Variants in PODXL2 observed in about 807,000 individuals in gnomAD.
PODXL2 encodes the protein podocalyxin-like protein 2.
Under a neutral mutation model 53.4 loss-of-function variants are expected in PODXL2, and 17 were observed. The observed-to-expected ratio is 0.32, with a 90% confidence interval of 0.22 to 0.48. PODXL2 has a LOEUF of 0.48. PODXL2 is among the 20% of genes least tolerant of loss of function. PODXL2 has a pLI of 0.99. For synonymous variants in PODXL2, 311 were observed against 306.7 expected (o/e 1.01, Z -0.15); for missense variants, 673 against 760.0 (o/e 0.89, Z 1.35).
At chr3:127,658,766 T>C (rs1006834059) in intron 2 of PODXL2, among the ~76,000 whole-genome samples, 1 of 152,214 alleles carries the variant, frequency 6.6e-6, no homozygotes, top group African/African-American at 2.4e-5. Context: ...GGTGTAAGTC[T>C]TTTATCATTC....
intron 2 of PODXL2, among the ~76,000 whole-genome samples, chr3:127,656,805 G>A (rs1297755258): frequency 6.7e-6 from 1 of 150,208 alleles, no homozygotes; most frequent in African/African-American, 2.5e-5. Flanking sequence ...AGCTACTCAG[G>A]AGACTGAGGT....
intron 1 of PODXL2, among the ~76,000 whole-genome samples, chr3:127,630,517 T>C (rs775387119): frequency 7.9e-5 from 12 of 152,032 alleles, no homozygotes; most frequent in Non-Finnish European, 1.6e-4. Flanking sequence ...CAGATGTGTG[T>C]GAGTGAAAGA....
At chr3:127,661,706 G>C (rs1253660046) in intron 3 of PODXL2, among the ~76,000 whole-genome samples, 1 of 152,010 alleles carries the variant, frequency 6.6e-6, no homozygotes, top group East Asian at 1.9e-4. Context: ...TGAAGTGCTG[G>C]GATTACAGGC....
chr3:127,665,324 A>G (rs2074790401), intron 4 of PODXL2, among the ~76,000 whole-genome samples: 1 of 152,256 alleles, frequency 6.6e-6, no homozygotes, highest in African/African-American at 2.4e-5. Flanking sequence ...TACAGAGACT[A>G]CATATTCAGA....
chr3:127,668,761 G>C (rs2074812230), intron 5 of PODXL2, among the ~76,000 whole-genome samples, 164 bp downstream of exon 5: 1 of 152,214 alleles, frequency 6.6e-6, no homozygotes, highest in African/African-American at 2.4e-5. Flanking sequence ...CCACCAGCTT[G>C]GGTTCTGGGG....
intron 6 of PODXL2, among the ~76,000 whole-genome samples, chr3:127,669,806 C>T (rs1006023443): frequency 3.9e-5 from 6 of 152,214 alleles, no homozygotes; most frequent in African/African-American, 1.4e-4. Flanking sequence ...ACCTCTCCTA[C>T]CCAGCTGCCG....
At position 127,629,193 on chromosome 3, in the gene PODXL2, G is replaced by A. The variant is rs2074523799; in HGVS notation, c.-27G>A. 4.6e-5 allele frequency: 45 copies of A among 982,086 alleles called. No homozygotes were observed. In the South Asian group the frequency reaches 1.7e-3, roughly 38 times the overall value. 60.8% of individuals were successfully genotyped at this position (982,086 alleles called of 1,614,324 possible). A position where few individuals can be genotyped will look rare whatever the true frequency, so the allele number is the denominator to read the frequency against. ...ACGCGGGCCCGGGCGCCGCGCCGCTGCGGCTGCAGGCGGCGACGGCTACAC... is the reference window on the plus strand; with the variant it reads ...ACGCGGGCCCGGGCGCCGCGCCGCTACGGCTGCAGGCGGCGACGGCTACAC... On this transcript the variant is annotated 5_prime_UTR_variant, in exon 1 of 8. Coordinates refer to ENST00000342480, the MANE Select transcript of PODXL2 (RefSeq NM_015720.4). This position sits in a 1 kb window ranked among gnomAD's most constrained non-coding sequence, Gnocchi z 6.4.
At chr3:127,671,703 C>T in intron 7 of PODXL2, 90 bp downstream of exon 7, 3 of 1,276,066 alleles carry the variant, frequency 2.4e-6, no homozygotes, top group Admixed American at 1.7e-5. Flanking sequence ...GGCAGTGACT[C>T]TCCTGGGCGC....
intron 1 of PODXL2, among the ~76,000 whole-genome samples, chr3:127,634,281 C>T (rs928783764): frequency 6.6e-6 from 1 of 151,872 alleles, no homozygotes; most frequent in Non-Finnish European, 1.5e-5. Flanking sequence ...CAAAATTAGC[C>T]GGTCATGGTG....
intron 2 of PODXL2, 91 bp from the exon 3 acceptor site, chr3:127,660,287 T>C: frequency 6.6e-7 from 1 of 1,518,790 alleles, no homozygotes; most frequent in Non-Finnish European, 8.9e-7. Context: ...TGTCAGTGTA[T>C]TGTGGTTCTT....
chr3:127,641,763 A>G (rs965982251), intron 2 of PODXL2, among the ~76,000 whole-genome samples: 12 of 148,090 alleles, frequency 8.1e-5, no homozygotes, highest in East Asian at 2.1e-4. Context: ...TGATGTGCCC[A>G]CCTCGGCCTC....
At chr3:127,665,280 A>G (rs564217031) in intron 4 of PODXL2, among the ~76,000 whole-genome samples, 1 of 152,348 alleles carries the variant, frequency 6.6e-6, no homozygotes, top group Non-Finnish European at 1.5e-5. Flanking sequence ...TTGAAAAATG[A>G]AAGGAATAAA....
chr3:127,662,500 G>A (rs2107543653), intron 4 of PODXL2, among the ~76,000 whole-genome samples, 189 bp downstream of exon 4: 1 of 152,274 alleles, frequency 6.6e-6, no homozygotes, highest in South Asian at 2.1e-4. Context: ...AATGTCCAAA[G>A]GCTCTTTGGT....
intron 2 of PODXL2, among the ~76,000 whole-genome samples, chr3:127,648,856 G>A (rs1236434546): frequency 6.8e-6 from 1 of 147,672 alleles, no homozygotes; most frequent in Admixed American, 6.9e-5. Context: ...GCACTGGTGC[G>A]ATCTCAGCTC....
At chr3:127,669,937 C>G (rs2074821325) in intron 6 of PODXL2, among the ~76,000 whole-genome samples, 1 of 152,262 alleles carries the variant, frequency 6.6e-6, no homozygotes, top group African/African-American at 2.4e-5. Flanking sequence ...CCAAAACTGC[C>G]TTTGCTCACT....
At chr3:127,653,668 G>A (rs936498350) in intron 2 of PODXL2, among the ~76,000 whole-genome samples, 1 of 113,800 alleles carries the variant, frequency 8.8e-6, no homozygotes, top group Non-Finnish European at 2.3e-5. Flanking sequence ...AAAAAAAAGA[G>A]AGAAAGTGTC....
At chr3:127,649,661 G>C (rs1342022946) in intron 2 of PODXL2, among the ~76,000 whole-genome samples, 2 of 152,234 alleles carry the variant, frequency 1.3e-5, no homozygotes, top group Non-Finnish European at 2.9e-5. Flanking sequence ...TTTAAGCCAG[G>C]CATGGTGGCT....
intron 2 of PODXL2, among the ~76,000 whole-genome samples, chr3:127,641,528 C>T (rs527580572): frequency 2.0e-3 from 301 of 150,992 alleles, no homozygotes; most frequent in African/African-American, 5.6e-3. Context: ...ATTTTTTTTT[C>T]TTGAGACGGA....
chr3:127,660,300 A>G, intron 2 of PODXL2, 78 bp from the exon 3 acceptor site: 1 of 1,547,164 alleles, frequency 6.5e-7, no homozygotes, highest in South Asian at 1.3e-5. Flanking sequence ...TGGTTCTTTT[A>G]TGCCATCTGC....
Sources: allele counts gnomAD v4.1 joint callset (sites outside exome capture counted in the v4.1 genomes callset), GRCh38; gene constraint gnomAD v4.1.1; non-coding constraint Gnocchi (gnomAD v3.1); transcripts MANE v1.5; gene names NCBI Gene and HGNC (gene_info 2026-07-23, HGNC 2026-07-21).